Variants in OAS1 observed in about 807,000 individuals in gnomAD.
OAS1 encodes the protein 2'-5'-oligoadenylate synthase 1.
OAS1 carries 24 observed loss-of-function variants against 38.5 expected under a neutral mutation model. The ratio of observed to expected loss-of-function variants is 0.62; its 90% CI spans 0.45 to 0.88. The LOEUF is 0.88. Among genes scored for constraint, OAS1 ranks in the 40% least tolerant of loss-of-function variants. The probability of loss-of-function intolerance (pLI) is 0.00; values close to 1 mark genes in which losing one functional copy is unlikely to be tolerated. For synonymous variants in OAS1, 169 were observed against 193.9 expected (o/e 0.87, Z 1.07); for missense variants, 482 against 493.9 (o/e 0.98, Z 0.23).
chr12:112,907,894 A>C (rs4766662), intron 1 of OAS1: 112,895 of 152,278 alleles, frequency 0.74, 42,605 homozygotes, highest in East Asian at 0.99. Context: ...GAATGCAAAA[A>C]ACTTTTATAA....
chr12:112,921,583 G>T (rs1288382607), downstream of OAS1, among the ~76,000 whole-genome samples: 1 of 152,104 alleles, frequency 6.6e-6, no homozygotes, highest in African/African-American at 2.4e-5. Context: ...GTCCTGGAGG[G>T]GTCTGTGTTA....
intron 5 of OAS1, chr12:112,918,865 G>C (rs564692542): frequency 3.7e-6 from 1 of 271,236 alleles, no homozygotes; most frequent in South Asian, 3.7e-5. Flanking sequence ...GATTCCAGGG[G>C]ATTGATGATG....
rs1235974847 is a variant in OAS1, at chr12:112,908,716, G to A, written c.361G>A (p.Val121Ile). The part of the protein sequence containing the change: ...RERAFSVKFE[V>I]QAPRWGNPRA... ...GAGAGCATTTTCCGTGAAGTTTGAG[G>A]TCCAGGCTCCACGCTGGGGCAACCC... Residue 121 changes from valine (V) to isoleucine (I), a missense_variant, in exon 2 of 6, where the codon GTC becomes ATC. Val to Ile is a conservative substitution (Grantham distance 29, BLOSUM62 3). Coordinates refer to ENST00000202917, the MANE Select transcript of OAS1 (RefSeq NM_016816.4). 4.3e-6 allele frequency: 7 copies of A among 1,614,214 alleles called. No homozygotes were observed. The highest frequency in any genetic ancestry group is 5.9e-6 in the Non-Finnish European group (7 of 1,180,040).
At chr12:112,907,804 A>G (rs924345421) in intron 1 of OAS1, 2 of 152,452 alleles carry the variant, frequency 1.3e-5, no homozygotes, top group African/African-American at 2.4e-5. Flanking sequence ...GTGAGCTTGG[A>G]GCAAAAGTTC....
chr12:112,918,359 A>G (rs2043492079), intron 5 of OAS1: 2 of 249,450 alleles, frequency 8.0e-6, no homozygotes, highest in Admixed American at 4.6e-5. Flanking sequence ...TCCATGGTGT[A>G]GATATACCAC....
chr12:112,918,726 G>A (rs1192214544), intron 5 of OAS1: 2 of 444,762 alleles, frequency 4.5e-6, no homozygotes, highest in Non-Finnish European at 4.5e-6. Context: ...AGCCTGCCTT[G>A]TCACATCCCC....
chr12:112,925,364 C>T (rs1278656976), intron 6 of OAS1, among the ~76,000 whole-genome samples: 1 of 152,180 alleles, frequency 6.6e-6, no homozygotes, highest in Admixed American at 6.5e-5. Context: ...GCCCCTCTCC[C>T]AGCCAACCGC....
At chr12:112,927,031 A>G (rs2043562886) in intron 6 of OAS1, among the ~76,000 whole-genome samples, 1 of 152,182 alleles carries the variant, frequency 6.6e-6, no homozygotes, top group African/African-American at 2.4e-5. Flanking sequence ...AGGCAGTCAG[A>G]CCTAATGGTT....
intron 2 of OAS1, among the ~76,000 whole-genome samples, chr12:112,909,392 C>T (rs1347414436): frequency 2.0e-5 from 3 of 152,088 alleles, no homozygotes; most frequent in Non-Finnish European, 4.4e-5. Context: ...AGTGTGGTGG[C>T]TCATGCTTGT....
chr12:112,919,579 G>A lies in OAS1; in HGVS notation c.*26G>A. ...ATGCCAGTGCATCTTGGGGGAAAGG[G>A]CTCCAGTGTTATCTGGACCAGTTCC... On this transcript the variant is annotated 3_prime_UTR_variant, in exon 6 of 6. Coordinates refer to ENST00000202917, the MANE Select transcript of OAS1 (RefSeq NM_016816.4). 1 of 1,614,216 alleles carries A rather than the reference G, an allele frequency of 6.2e-7. No homozygotes were observed. Among genetic ancestry groups the A allele is most frequent in the Non-Finnish European group, 8.5e-7 (1 of 1,180,034 alleles).
In OAS1 at chr12:112,919,887, A is replaced by G; in HGVS notation, c.*334A>G. 2.8e-6 allele frequency: 2 copies of G among 705,388 alleles called. No individual in the cohort carries two copies. The highest frequency in any genetic ancestry group is 4.5e-6 in the Non-Finnish European group (2 of 447,276). 43.7% of individuals were successfully genotyped at this position (705,388 alleles called of 1,614,324 possible). ...TCTAATGTATTATCAATAACAATAA[A>G]AATAAAGCAAATACCATTTATTGGG... On this transcript the variant is annotated 3_prime_UTR_variant, in exon 6 of 6. Coordinates refer to ENST00000202917, the MANE Select transcript of OAS1 (RefSeq NM_016816.4).
At chr12:112,907,300 G>A (rs1469962230) in intron 1 of OAS1, 81 bp downstream of exon 1, 6 of 1,442,010 alleles carry the variant, frequency 4.2e-6, no homozygotes, top group East Asian at 4.6e-5. Flanking sequence ...GAGAGAGAGA[G>A]AGAAGCAAAA....
chr12:112,909,088 G>A (rs553546694), intron 2 of OAS1: 1 of 420,572 alleles, frequency 2.4e-6, no homozygotes, highest in African/African-American at 2.0e-5. Flanking sequence ...CAAAATGTGT[G>A]AATTTTATCT....
rs545979445 is a variant in OAS1, at chr12:112,913,811, G to A, written c.654+2576G>A. On this transcript the variant is annotated intron_variant, in intron 3 of 5. Coordinates refer to ENST00000202917, the MANE Select transcript of OAS1 (RefSeq NM_016816.4). The stretch of plus-strand genomic sequence containing the variant: ...AATTTTTATTATTTGTTAATCTTAT[G>A]TTTTATTTACACTTCTTTTCTGTGA... Among the ~76,000 whole-genome samples the A allele has an allele frequency of 2.0e-5, 3 of 152,014 alleles. No homozygotes were observed. In the South Asian group the frequency reaches 6.2e-4, roughly 32 times the overall value.
At chr12:112,916,846 T>C (rs2043467737) in intron 4 of OAS1, 108 bp downstream of exon 4, 2 of 817,010 alleles carry the variant, frequency 2.4e-6, no homozygotes, top group Non-Finnish European at 4.2e-6. Flanking sequence ...TTAGTGAGAA[T>C]CTCCTGTTGC....
At chr12:112,912,210 A>G (rs1216276165) in intron 3 of OAS1, among the ~76,000 whole-genome samples, 1 of 152,116 alleles carries the variant, frequency 6.6e-6, no homozygotes, top group African/African-American at 2.4e-5. Context: ...TGTGATGGTG[A>G]GCACCTGTAG....
chr12:112,918,603 C>T, intron 5 of OAS1: 1 of 453,426 alleles, frequency 2.2e-6, no homozygotes. Context: ...ACAGATGAGA[C>T]AAAGGCTCAG....
rs374021754 is a variant in OAS1, at chr12:112,919,550, C to G, written c.1200C>G (p.Leu400=). The change falls in exon 6 of 6, where the codon CTC becomes CTG. Residue 400 remains leucine (L), a synonymous_variant. Transcript: ENST00000202917. ...AAGAGGACTGGACCTGCACCATCCT[C>G]TGAATGCCAGTGCATCTTGGGGGAA... ...QAEEDWTCTI[L] 3.7e-6 allele frequency: 6 copies of G among 1,614,226 alleles called. No homozygotes were observed. The highest frequency in any genetic ancestry group is 1.1e-5 in the South Asian group (1 of 91,078).
In OAS1 at chr12:112,919,775, A is replaced by G. The variant is rs1387991589; in HGVS notation, c.*222A>G. The G allele has an allele frequency of 3.5e-6, 5 of 1,438,868 alleles. No individual in the cohort carries two copies. The highest frequency in any genetic ancestry group is 4.6e-6 in the Non-Finnish European group (5 of 1,087,592). The allele number at this position is 1,438,868 out of a possible 1,614,324, so 89.1% of individuals were successfully genotyped here. A position where few individuals can be genotyped will look rare whatever the true frequency, so the allele number is the denominator to read the frequency against. ...TTCATTCCACCTATTCTCTGAAAAT[A>G]TTCCCTGAGAGAGAACAGAGAGATT... On this transcript the variant is annotated 3_prime_UTR_variant, in exon 6 of 6. Transcript: ENST00000202917.
Sources: allele counts gnomAD v4.1 joint callset (sites outside exome capture counted in the v4.1 genomes callset), GRCh38; gene constraint gnomAD v4.1.1; transcripts MANE v1.5; gene names NCBI Gene and HGNC (gene_info 2026-07-23, HGNC 2026-07-21).